MAD1L1: variants seen among roughly 807,000 people sequenced by gnomAD.
The protein encoded by MAD1L1 is mitotic spindle assembly checkpoint protein MAD1.
In MAD1L1, 95 loss-of-function variants were observed where a neutral mutation model predicts 96.9. That is an observed-to-expected ratio of 0.98 (90% confidence interval 0.83 to 1.16). The LOEUF is 1.16. Ranked by LOEUF, MAD1L1 falls within the 50% of genes most tolerant of loss-of-function variation. MAD1L1 has a pLI of 0.00. For missense variants in MAD1L1, 1,007 were observed against 954.4 expected, an observed-to-expected ratio of 1.06 and a Z score of -0.73; for synonymous variants, 473 against 396.6, an observed-to-expected ratio of 1.19 and a Z score of -2.29.
At chr7:1,845,708 G>T (rs1235713892) in intron 18 of MAD1L1, 1 of 152,204 alleles carries the variant, frequency 6.6e-6, no homozygotes, top group Non-Finnish European at 1.5e-5. Context: ...GCGCTGTTTA[G>T]GAGATGGACA....
At chr7:2,064,831 A>C (rs1430830640) in intron 12 of MAD1L1, among the ~76,000 whole-genome samples, 1 of 126,952 alleles carries the variant, frequency 7.9e-6, no homozygotes, top group Non-Finnish European at 1.6e-5. Flanking sequence ...CTCCCAGGAC[A>C]GCGGCTTCTC....
At chr7:2,204,989 C>A (rs1299446880) in intron 10 of MAD1L1, among the ~76,000 whole-genome samples, 3 of 151,850 alleles carry the variant, frequency 2.0e-5, no homozygotes, top group Non-Finnish European at 4.4e-5. Flanking sequence ...AGTGGTATCT[C>A]ACTGCAGTCT....
At chr7:2,197,360 C>G (rs1047884928) in intron 10 of MAD1L1, among the ~76,000 whole-genome samples, 1 of 152,180 alleles carries the variant, frequency 6.6e-6, no homozygotes, top group African/African-American at 2.4e-5. Flanking sequence ...ATCCCCAGCA[C>G]CCAGCACCAG....
At chr7:2,137,443 G>C (rs1395342259) in intron 11 of MAD1L1, among the ~76,000 whole-genome samples, 1 of 152,172 alleles carries the variant, frequency 6.6e-6, no homozygotes, top group Admixed American at 6.5e-5. Flanking sequence ...CTCTCTAACA[G>C]AAACGTCACA....
chr7:2,005,446 T>C (rs530569799), intron 13 of MAD1L1, among the ~76,000 whole-genome samples: 1 of 152,250 alleles, frequency 6.6e-6, no homozygotes, highest in East Asian at 1.9e-4. Context: ...TTAAAACATA[T>C]ACTCTAGCAC....
intron 16 of MAD1L1, among the ~76,000 whole-genome samples, chr7:1,941,943 T>C (rs1371638093): frequency 6.6e-6 from 1 of 152,100 alleles, no homozygotes; most frequent in Non-Finnish European, 1.5e-5. Flanking sequence ...CAGGGGACTT[T>C]CCCTGCCTAA....
chr7:2,011,429 G>T (rs1411834032), intron 13 of MAD1L1, among the ~76,000 whole-genome samples: 3 of 152,156 alleles, frequency 2.0e-5, no homozygotes, highest in Non-Finnish European at 4.4e-5. Flanking sequence ...ACGTTCTCCC[G>T]AACTTGCGCC....
intron 11 of MAD1L1, chr7:2,148,651 A>C: frequency 6.5e-6 from 1 of 154,236 alleles, no homozygotes; most frequent in Non-Finnish European, 1.4e-5. Flanking sequence ...GATAAGAAGA[A>C]ATACATATCT....
intron 14 of MAD1L1, among the ~76,000 whole-genome samples, chr7:1,986,567 T>TTCTACTCCGCGGCTCCCTCGC (rs1781160806): frequency 2.0e-5 from 2 of 102,522 alleles, no homozygotes; most frequent in Non-Finnish European, 4.8e-5. Flanking sequence ...GGCTCCCTCA[T>TTCTACTCCGCGGCTCCCTCGC]GGAGCTGCCT....
chr7:2,056,818 C>T (rs570236430), intron 12 of MAD1L1, among the ~76,000 whole-genome samples: 180 of 152,354 alleles, frequency 1.2e-3, no homozygotes, highest in Middle Eastern at 3.4e-3. Context: ...ACAGGCTGTG[C>T]TAACGCCAAA....
intron 17 of MAD1L1, among the ~76,000 whole-genome samples, chr7:1,918,994 C>A (rs748549358): frequency 6.6e-6 from 1 of 152,254 alleles, no homozygotes; most frequent in Non-Finnish European, 1.5e-5. Context: ...CAGGCTCTGG[C>A]GGCTCTTGCC....
chr7:2,060,163 CGA>C (rs1179969573), intron 12 of MAD1L1, among the ~76,000 whole-genome samples: 1 of 146,904 alleles, frequency 6.8e-6, no homozygotes, highest in Admixed American at 6.7e-5. Context: ...ACGCCGAAGC[CGA>C]GATACGCCGA....
intron 18 of MAD1L1, among the ~76,000 whole-genome samples, chr7:1,842,484 C>T (rs1783323884): frequency 6.6e-6 from 1 of 152,266 alleles, no homozygotes; most frequent in African/African-American, 2.4e-5. Flanking sequence ...GTCCACAGGC[C>T]GCCAGAATCC....
chr7:2,197,212 T>C (rs1394516356), intron 10 of MAD1L1, among the ~76,000 whole-genome samples: 1 of 152,210 alleles, frequency 6.6e-6, no homozygotes, highest in Non-Finnish European at 1.5e-5. Flanking sequence ...CCAACCTGTG[T>C]GCTGCCAGCA....
intron 11 of MAD1L1, among the ~76,000 whole-genome samples, chr7:2,086,576 A>G (rs1029499913): frequency 6.6e-6 from 1 of 152,262 alleles, no homozygotes; most frequent in African/African-American, 2.4e-5. Flanking sequence ...TTTTGGAGAC[A>G]AAGTCTCGTT....
At chr7:2,138,440 C>T (rs1287788296) in intron 11 of MAD1L1, among the ~76,000 whole-genome samples, 2 of 152,152 alleles carry the variant, frequency 1.3e-5, no homozygotes, top group Non-Finnish European at 2.9e-5. Context: ...GACCAAGTGG[C>T]CTAGAGAGAT....
In MAD1L1 at chr7:2,218,508, C is replaced by T. The variant is rs561632533; in HGVS notation, c.597-465G>A. On this transcript the variant is annotated intron_variant, in intron 6 of 18. Transcript: ENST00000265854. The stretch of plus-strand genomic sequence containing the variant: ...AGATGCCCACAGTCTCCTGACTGCA[C>T]CTCCAGACAAGGCTCTCACGTCTGT... Among the ~76,000 whole-genome samples the T allele has an allele frequency of 2.1e-3, 324 of 152,324 alleles. 3 individuals carry two copies. The highest frequency in any genetic ancestry group is 6.8e-3 in the African/African-American group (282 of 41,576).
chr7:2,148,020 A>C (rs1486748674), intron 11 of MAD1L1, among the ~76,000 whole-genome samples: 1 of 152,214 alleles, frequency 6.6e-6, no homozygotes, highest in African/African-American at 2.4e-5. Context: ...GAACGCTTTA[A>C]CTTCAAATCA....
chr7:1,892,168 G>A (rs765073180), intron 18 of MAD1L1, among the ~76,000 whole-genome samples: 1 of 152,178 alleles, frequency 6.6e-6, no homozygotes. Flanking sequence ...CGCCACGGTG[G>A]TCTACTGCAT....
Sources: gnomAD v4.1 joint callset for allele counts (sites outside exome capture counted in the v4.1 genomes callset) on GRCh38, gnomAD v4.1.1 for gene constraint, MANE v1.5 for transcripts, NCBI Gene and HGNC (gene_info 2026-07-23, HGNC 2026-07-21) for gene names.